LRP1B: variants seen among roughly 807,000 people sequenced by gnomAD.
LRP1B encodes the protein LDL receptor related protein 1B.
A neutral mutation model predicts 556.6 loss-of-function variants in LRP1B; 217 were observed. That is an observed-to-expected ratio of 0.39 (90% confidence interval 0.35 to 0.44). The LOEUF is 0.44. Ranked by LOEUF, LRP1B falls within the 20% of genes least tolerant of loss-of-function variation. The pLI, the probability that LRP1B is intolerant of heterozygous loss-of-function variation, is 1.00. For missense variants in LRP1B, 5,053 were observed against 5,620.8 expected (o/e 0.90, Z 3.23); for synonymous variants, 2,047 against 1,865.8 (o/e 1.10, Z -2.50).
In LRP1B at chr2:140,356,388, G is replaced by A; in HGVS notation, c.11484C>T (p.Arg3828=). Residue 3828 remains arginine, a synonymous_variant, in exon 75 of 91, where the codon CGC becomes CGT. Transcript: ENST00000389484. ...CNQIKTSVFC[R]CKPGFQRNMK... is the part of the protein sequence containing the mutation. ...TGTTTCTCTGAAATCCAGGCTTACA[G>A]CGACAGAAAACAGATGTTTTTATTT... The A allele has an allele frequency of 1.2e-6, 2 of 1,610,936 alleles. No homozygotes were observed. Among genetic ancestry groups the A allele is most frequent in the Non-Finnish European group, 1.7e-6 (2 of 1,177,850 alleles).
At chr2:140,934,340 T>C (rs1158260447) in intron 20 of LRP1B, among the ~76,000 whole-genome samples, 2 of 152,136 alleles carry the variant, frequency 1.3e-5, no homozygotes, top group African/African-American at 4.8e-5. Flanking sequence ...TTGCACTATG[T>C]GTTTGTCTTG....
intron 41 of LRP1B, among the ~76,000 whole-genome samples, chr2:140,673,651 G>C (rs1685565309): frequency 6.6e-6 from 1 of 152,048 alleles, no homozygotes; most frequent in Non-Finnish European, 1.5e-5. Flanking sequence ...CAGATTTTTA[G>C]GTATCTGTGC....
chr2:140,822,986 T>C (rs546023828), intron 31 of LRP1B, among the ~76,000 whole-genome samples: 96 of 152,318 alleles, frequency 6.3e-4, no homozygotes, highest in Non-Finnish European at 5.1e-4. Flanking sequence ...GTGGCTGACA[T>C]ATTGCAAGTG....
chr2:140,784,130 G>A (rs141639493), intron 32 of LRP1B, among the ~76,000 whole-genome samples: 1 of 152,198 alleles, frequency 6.6e-6, no homozygotes, highest in African/African-American at 2.4e-5. Flanking sequence ...CCTAGAGATT[G>A]TCACTGAATT....
intron 66 of LRP1B, among the ~76,000 whole-genome samples, chr2:140,431,669 C>A (rs1310951645): frequency 6.6e-6 from 1 of 152,180 alleles, no homozygotes; most frequent in Non-Finnish European, 1.5e-5. Context: ...CCTCCCAATT[C>A]TTAGGCCTTT....
chr2:140,551,517 T>C (rs1680547778), intron 43 of LRP1B, among the ~76,000 whole-genome samples: 1 of 152,170 alleles, frequency 6.6e-6, no homozygotes, highest in African/African-American at 2.4e-5. Flanking sequence ...GGCTAATATA[T>C]AACACATTCC....
intron 7 of LRP1B, among the ~76,000 whole-genome samples, chr2:141,085,797 T>G (rs1372485109): frequency 6.6e-6 from 1 of 152,232 alleles, no homozygotes; most frequent in African/African-American, 2.4e-5. Context: ...TTTATTGTAG[T>G]TTTTAATTCA....
chr2:141,198,967 A>T (rs550197198), intron 6 of LRP1B, among the ~76,000 whole-genome samples: 4 of 152,168 alleles, frequency 2.6e-5, no homozygotes, highest in African/African-American at 9.6e-5. Context: ...ACACTATCTT[A>T]TCTCTTCTGG....
At chr2:141,978,808 A>G (rs1177924806) in intron 1 of LRP1B, among the ~76,000 whole-genome samples, 1 of 152,054 alleles carries the variant, frequency 6.6e-6, no homozygotes, top group East Asian at 1.9e-4. Flanking sequence ...GTTTGTTTTT[A>G]CATTTGTTCT....
chr2:141,675,607 T>C (rs1690845668), intron 2 of LRP1B, among the ~76,000 whole-genome samples: 1 of 151,746 alleles, frequency 6.6e-6, no homozygotes, highest in African/African-American at 2.4e-5. Flanking sequence ...TTAATACATG[T>C]AGTATACTTA....
chr2:141,927,480 TTTC>T (rs1296650987), intron 1 of LRP1B, among the ~76,000 whole-genome samples: 1 of 152,128 alleles, frequency 6.6e-6, no homozygotes, highest in East Asian at 1.9e-4. Flanking sequence ...AGATAATATT[TTTC>T]TTATTATATG....
At chr2:140,752,684 T>G (rs1688623139) in intron 35 of LRP1B, among the ~76,000 whole-genome samples, 2 of 152,242 alleles carry the variant, frequency 1.3e-5, no homozygotes, top group African/African-American at 4.8e-5. Flanking sequence ...AATAATTGTA[T>G]GTTGTAAAAA....
At chr2:141,627,387 C>T (rs539666451) in intron 2 of LRP1B, among the ~76,000 whole-genome samples, 1 of 152,298 alleles carries the variant, frequency 6.6e-6, no homozygotes, top group East Asian at 1.9e-4. Context: ...CATCTGTCAA[C>T]ACCTATACAA....
At chr2:141,920,670 T>G (rs1378433306) in intron 1 of LRP1B, among the ~76,000 whole-genome samples, 1 of 152,038 alleles carries the variant, frequency 6.6e-6, no homozygotes, top group Admixed American at 6.6e-5. Flanking sequence ...TTTGTCCCTG[T>G]ACTTTTTAAA....
At chr2:140,640,081 C>G (rs1684224055) in intron 41 of LRP1B, among the ~76,000 whole-genome samples, 1 of 152,062 alleles carries the variant, frequency 6.6e-6, no homozygotes, top group Non-Finnish European at 1.5e-5. Context: ...CGGCTCACTG[C>G]AAGCTCCGCC....
chr2:142,040,587 T>A (rs1704029807), intron 1 of LRP1B, among the ~76,000 whole-genome samples: 1 of 149,192 alleles, frequency 6.7e-6, no homozygotes, highest in Non-Finnish European at 1.5e-5. Context: ...CGGTTTTAAA[T>A]GCAGTCTAGA....
intron 1 of LRP1B, among the ~76,000 whole-genome samples, chr2:141,911,367 A>AT (rs1425996109): frequency 6.6e-6 from 1 of 152,172 alleles, no homozygotes; most frequent in Admixed American, 6.5e-5. Flanking sequence ...CCGAAGTCAT[A>AT]TAAGTAAAAG....
At chr2:141,098,244 A>G (rs531744118) in intron 7 of LRP1B, among the ~76,000 whole-genome samples, 5 of 152,330 alleles carry the variant, frequency 3.3e-5, no homozygotes, top group African/African-American at 9.6e-5. Context: ...AAATACTGGT[A>G]TAACAGGAAA....
intron 41 of LRP1B, among the ~76,000 whole-genome samples, chr2:140,654,174 T>G (rs1245674968): frequency 1.3e-5 from 2 of 152,084 alleles, no homozygotes; most frequent in African/African-American, 2.4e-5. Context: ...ATATACAATT[T>G]TGAGAAAAAT....
Sources: gnomAD v4.1 joint callset for allele counts (sites outside exome capture counted in the v4.1 genomes callset) on GRCh38, gnomAD v4.1.1 for gene constraint, MANE v1.5 for transcripts, NCBI Gene and HGNC (gene_info 2026-07-23, HGNC 2026-07-21) for gene names.